DOCK3: variants seen among roughly 807,000 people sequenced by gnomAD.
DOCK3 encodes dedicator of cytokinesis protein 3.
In DOCK3, 60 loss-of-function variants were observed where a neutral mutation model predicts 265.6. The ratio of observed to expected loss-of-function variants is 0.23; its 90% confidence interval spans 0.18 to 0.28. The LOEUF (loss-of-function observed/expected upper bound fraction) is 0.28. Among genes scored for constraint, DOCK3 ranks in the 10% least tolerant of loss-of-function variants. The probability of loss-of-function intolerance (pLI) is 1.00; values close to 1 mark genes in which losing one functional copy is unlikely to be tolerated. For synonymous variants in DOCK3, 881 were observed against 938.0 expected, an observed-to-expected ratio of 0.94 and a Z score of 1.11; for missense variants, 1,981 against 2,594.3, an observed-to-expected ratio of 0.76 and a Z score of 5.14.
intron 14 of DOCK3, 83 bp from the exon 15 acceptor site, chr3:51,225,566 T>C: frequency 6.6e-7 from 1 of 1,512,614 alleles, no homozygotes; most frequent in Non-Finnish European, 8.8e-7. Flanking sequence ...CCCCAGAAGA[T>C]CCAAATGCTA....
chr3:51,315,727 C>T (rs2083326414), intron 32 of DOCK3, among the ~76,000 whole-genome samples: 1 of 152,132 alleles, frequency 6.6e-6, no homozygotes, highest in South Asian at 2.1e-4. Context: ...CCAATTTTAG[C>T]TAATCAAATA....
At chr3:50,769,754 G>C (rs1279797010) in intron 1 of DOCK3, among the ~76,000 whole-genome samples, 1 of 146,778 alleles carries the variant, frequency 6.8e-6, no homozygotes. Flanking sequence ...AGAGGTGACA[G>C]TGAGCTGAGA....
At chr3:51,030,778 CT>C (rs2108951266) in intron 5 of DOCK3, among the ~76,000 whole-genome samples, 1 of 152,284 alleles carries the variant, frequency 6.6e-6, no homozygotes, top group African/African-American at 2.4e-5. Flanking sequence ...TTTTGACAAC[CT>C]TGGCAGCACA....
chr3:51,043,419 A>G (rs566418617), intron 5 of DOCK3, among the ~76,000 whole-genome samples: 2 of 152,270 alleles, frequency 1.3e-5, no homozygotes, highest in South Asian at 2.1e-4. Flanking sequence ...TCCTTATACC[A>G]TATTCAAAAA....
chr3:50,759,050 T>C (rs2040367687), intron 1 of DOCK3, among the ~76,000 whole-genome samples: 1 of 152,216 alleles, frequency 6.6e-6, no homozygotes, highest in African/African-American at 2.4e-5. Flanking sequence ...TTCACTATTG[T>C]ATATAATCGT....
At chr3:51,329,990 G>T in intron 32 of DOCK3, 148 bp from the exon 33 acceptor site, 1 of 756,542 alleles carries the variant, frequency 1.3e-6, no homozygotes, top group Non-Finnish European at 2.1e-6. Context: ...TGGTGCTATA[G>T]GTAAAATACT....
At chr3:51,266,015 G>GCATT (rs2080140757) in intron 23 of DOCK3, among the ~76,000 whole-genome samples, 2 of 149,966 alleles carry the variant, frequency 1.3e-5, no homozygotes, top group African/African-American at 4.9e-5. Context: ...GATACAAAAA[G>GCATT]CATTCCTATA....
intron 4 of DOCK3, among the ~76,000 whole-genome samples, chr3:50,890,395 C>G (rs960464336): frequency 6.6e-6 from 1 of 151,906 alleles, no homozygotes; most frequent in Admixed American, 6.6e-5. Context: ...ATAAATATGT[C>G]ATTTTGTTTT....
chr3:51,092,650 G>A (rs769578864), intron 9 of DOCK3, among the ~76,000 whole-genome samples: 6 of 151,750 alleles, frequency 4.0e-5, no homozygotes, highest in Admixed American at 6.6e-5. Context: ...CTAGCACAGC[G>A]TTTGAGCTCT....
chr3:51,372,956 A>G (rs1462328829), intron 49 of DOCK3, among the ~76,000 whole-genome samples: 1 of 152,228 alleles, frequency 6.6e-6, no homozygotes, highest in Non-Finnish European at 1.5e-5. Context: ...TTTAAAAATC[A>G]TATTTTAGTC....
At chr3:51,267,908 A>C (rs1428733367) in intron 23 of DOCK3, among the ~76,000 whole-genome samples, 2 of 152,102 alleles carry the variant, frequency 1.3e-5, no homozygotes, top group Non-Finnish European at 2.9e-5. Flanking sequence ...ACCAAACACC[A>C]CATGTTCTCA....
At chr3:50,680,192 G>C (rs2034285786) in intron 1 of DOCK3, among the ~76,000 whole-genome samples, 1 of 151,130 alleles carries the variant, frequency 6.6e-6, no homozygotes, top group Non-Finnish European at 1.5e-5. Flanking sequence ...TTTCTGTATT[G>C]GACTATTTTT....
intron 3 of DOCK3, among the ~76,000 whole-genome samples, chr3:50,869,078 C>G (rs1272689969): frequency 6.7e-6 from 1 of 149,204 alleles, no homozygotes; most frequent in Non-Finnish European, 1.5e-5. Context: ...GGGTTCACGC[C>G]ATTCTCCTGC....
At chr3:50,827,730 G>T (rs549664912) in intron 2 of DOCK3, among the ~76,000 whole-genome samples, 1 of 152,224 alleles carries the variant, frequency 6.6e-6, no homozygotes, top group Admixed American at 6.5e-5. Flanking sequence ...TGACAATCTG[G>T]ATTATTTAGT....
At chr3:50,803,939 C>T (rs930967553) in intron 2 of DOCK3, among the ~76,000 whole-genome samples, 21 of 151,672 alleles carry the variant, frequency 1.4e-4, no homozygotes, top group Admixed American at 5.2e-4. Flanking sequence ...CCTCACTTCC[C>T]AGATGGGGCG....
At position 50,759,307 on chromosome 3, in the gene DOCK3, C is replaced by T. The variant is rs147794010; in HGVS notation, c.38-19368C>T. Among the ~76,000 whole-genome samples, 354 of 152,164 alleles carry T rather than the reference C, an allele frequency of 2.3e-3. 1 individual carries two copies. The highest frequency in any genetic ancestry group is 4.8e-3 in the South Asian group (23 of 4,818). ...GCTATACTGTTTTCCACAGCGGCTGCACCATTTTACATCCCCACCAGCAAT... is the reference window on the plus strand; with the variant it reads ...GCTATACTGTTTTCCACAGCGGCTGTACCATTTTACATCCCCACCAGCAAT... On this transcript the variant is annotated intron_variant, in intron 1 of 52. Coordinates refer to ENST00000266037, the MANE Select transcript of DOCK3 (RefSeq NM_004947.5).
intron 7 of DOCK3, among the ~76,000 whole-genome samples, chr3:51,079,014 G>A (rs562900236): frequency 6.6e-6 from 1 of 152,274 alleles, no homozygotes; most frequent in South Asian, 2.1e-4. Flanking sequence ...GGATTTATAT[G>A]TTAAATTGCA....
chr3:50,729,108 C>A (rs1236880770), intron 1 of DOCK3, among the ~76,000 whole-genome samples: 3 of 146,120 alleles, frequency 2.1e-5, no homozygotes, highest in African/African-American at 7.4e-5. Flanking sequence ...ATCACTTGAG[C>A]TCAGGAGTTC....
At chr3:51,286,130 CA>C (rs1338768222) in intron 27 of DOCK3, among the ~76,000 whole-genome samples, 2 of 152,072 alleles carry the variant, frequency 1.3e-5, no homozygotes, top group Admixed American at 6.5e-5. Flanking sequence ...TTTCAGGATA[CA>C]AAAATCGATG....
Sources: allele counts gnomAD v4.1 joint callset (sites outside exome capture counted in the v4.1 genomes callset), GRCh38; gene constraint gnomAD v4.1.1; transcripts MANE v1.5; gene names NCBI Gene and HGNC (gene_info 2026-07-23, HGNC 2026-07-21).